SLC4A4: variants seen among roughly 807,000 people sequenced by gnomAD.
The protein encoded by SLC4A4 is solute carrier family 4 member 4.
In SLC4A4, 27 loss-of-function variants were observed where a neutral mutation model predicts 111.5. The observed-to-expected ratio is 0.24, with a 90% CI of 0.18 to 0.33. SLC4A4 has a LOEUF of 0.33. Ranked by LOEUF, SLC4A4 falls within the 10% of genes least tolerant of loss-of-function variation. The pLI, the probability that SLC4A4 is intolerant of heterozygous loss-of-function variation, is 1.00. For synonymous variants in SLC4A4, 443 were observed against 463.4 expected (o/e 0.96, Z 0.57); for missense variants, 909 against 1,315.5 (o/e 0.69, Z 4.78).
At chr4:71,126,660 AC>A (rs1423484159) in intron 2 of SLC4A4, among the ~76,000 whole-genome samples, 4 of 152,246 alleles carry the variant, frequency 2.6e-5, no homozygotes, top group African/African-American at 9.6e-5. Context: ...TTTATGGTTT[AC>A]TTTGAATATG....
At chr4:71,473,196 C>A in intron 14 of SLC4A4, 1 of 658,468 alleles carries the variant, frequency 1.5e-6, no homozygotes, top group Admixed American at 2.4e-5. Context: ...ACATAACCAA[C>A]TCAATATTTT....
intron 6 of SLC4A4, among the ~76,000 whole-genome samples, chr4:71,367,979 C>CTCATATTTG (rs1476911412): frequency 3.3e-4 from 50 of 152,276 alleles, no homozygotes; most frequent in Admixed American, 3.1e-3. Context: ...AATAGATTAT[C>CTCATATTTG]TCATATTTGC....
At chr4:71,399,724 T>C (rs1674172111) in intron 7 of SLC4A4, among the ~76,000 whole-genome samples, 1 of 152,042 alleles carries the variant, frequency 6.6e-6, no homozygotes, top group African/African-American at 2.4e-5. Context: ...TGAAATCTGA[T>C]GTTATCCGTC....
At position 71,072,828 on chromosome 4, in the gene SLC4A4, C is replaced by T. The variant is rs547610265; in HGVS notation, c.-65+10040C>T. ...TGTTGCCCAGGCTGGAGTGCAGTGGCGTGATTGCAGCTTGCTCTAACCTCT... is the reference window on the plus strand; with the variant it reads ...TGTTGCCCAGGCTGGAGTGCAGTGGTGTGATTGCAGCTTGCTCTAACCTCT... On this transcript the variant is annotated intron_variant, in intron 1 of 26. Transcript: ENST00000649996. Among the ~76,000 whole-genome samples, 12 of 151,992 alleles carry T rather than the reference C, an allele frequency of 7.9e-5. 1 individual carries two copies. In the South Asian group the frequency reaches 8.3e-4, roughly 11 times the overall value.
At chr4:71,344,816 T>C (rs1350706819) in intron 4 of SLC4A4, among the ~76,000 whole-genome samples, 1 of 152,034 alleles carries the variant, frequency 6.6e-6, no homozygotes, top group East Asian at 1.9e-4. Context: ...CAGTTTAGGA[T>C]ATTCTTGTAG....
In SLC4A4 at chr4:71,340,885, A is replaced by C. The variant is rs116508437; in HGVS notation, c.389+1380A>C. Among the ~76,000 whole-genome samples the C allele has an allele frequency of 9.2e-3, 1,394 of 152,290 alleles. 24 individuals are homozygous for C. Among genetic ancestry groups the C allele is most frequent in the African/African-American group, 0.032 (1,342 of 41,562 alleles). ...GTATATGTATGAAAATGCTTTGTAAATTGTTAAGCATTACACAAATACCTG... is the reference window on the plus strand; with the variant it reads ...GTATATGTATGAAAATGCTTTGTAACTTGTTAAGCATTACACAAATACCTG... On this transcript the variant is annotated intron_variant, in intron 4 of 25. Coordinates refer to ENST00000264485, the MANE Select transcript of SLC4A4 (RefSeq NM_001098484.3).
intron 3 of SLC4A4, among the ~76,000 whole-genome samples, chr4:71,320,707 T>C (rs1727054108): frequency 6.6e-6 from 1 of 152,024 alleles, no homozygotes; most frequent in African/African-American, 2.4e-5. Context: ...TAGCTTAAGC[T>C]GGTACTTGAT....
chr4:71,299,224 A>G (rs972709443), intron 3 of SLC4A4, among the ~76,000 whole-genome samples: 2 of 152,228 alleles, frequency 1.3e-5, no homozygotes, highest in African/African-American at 4.8e-5. Flanking sequence ...TGTTTAGGCC[A>G]TAGGAAATAG....
At chr4:71,153,628 C>T (rs906430210) in intron 2 of SLC4A4, among the ~76,000 whole-genome samples, 6 of 152,124 alleles carry the variant, frequency 3.9e-5, no homozygotes, top group Non-Finnish European at 8.8e-5. Context: ...GTAAAGCCTT[C>T]AGCACTTGGC....
At chr4:71,215,802 T>C (rs909379049) in intron 1 of SLC4A4, among the ~76,000 whole-genome samples, 1 of 152,152 alleles carries the variant, frequency 6.6e-6, no homozygotes, top group Non-Finnish European at 1.5e-5. Flanking sequence ...ACGATACATA[T>C]AATTATCATT....
intron 2 of SLC4A4, among the ~76,000 whole-genome samples, chr4:71,243,664 G>A (rs945951360): frequency 1.3e-5 from 2 of 152,188 alleles, no homozygotes; most frequent in Non-Finnish European, 2.9e-5. Context: ...AAAGGTGAAG[G>A]TAGTGAGGGT....
chr4:71,512,233 G>A (rs1731995093), intron 16 of SLC4A4, among the ~76,000 whole-genome samples: 1 of 152,086 alleles, frequency 6.6e-6, no homozygotes, highest in Admixed American at 6.6e-5. Context: ...GTCTACCACA[G>A]TCTACCAACC....
intron 1 of SLC4A4, among the ~76,000 whole-genome samples, chr4:71,073,892 T>G (rs1328712703): frequency 6.6e-6 from 1 of 152,096 alleles, no homozygotes; most frequent in Non-Finnish European, 1.5e-5. Context: ...AAGATCAGCC[T>G]GGGCAATATG....
chr4:71,130,097 A>G (rs1743662382), intron 2 of SLC4A4, among the ~76,000 whole-genome samples: 1 of 152,200 alleles, frequency 6.6e-6, no homozygotes, highest in Non-Finnish European at 1.5e-5. Context: ...CCATTTACCT[A>G]TATGACAAAC....
At chr4:71,536,485 T>A (rs4257633) in intron 18 of SLC4A4, among the ~76,000 whole-genome samples, 2,501 of 83,408 alleles carry the variant, frequency 0.03, 127 homozygotes, top group East Asian at 0.088. Flanking sequence ...TATATATATA[T>A]ATGTATATAT....
At chr4:71,169,875 T>C (rs1419489533) in intron 2 of SLC4A4, among the ~76,000 whole-genome samples, 1 of 152,168 alleles carries the variant, frequency 6.6e-6, no homozygotes, top group African/African-American at 2.4e-5. Context: ...TGGAATAAGA[T>C]CTTAATTCCT....
At chr4:71,478,252 C>T (rs774932892) in intron 14 of SLC4A4, among the ~76,000 whole-genome samples, 21 of 151,876 alleles carry the variant, frequency 1.4e-4, no homozygotes, top group Non-Finnish European at 2.8e-4. Context: ...CCAGCAATCC[C>T]GTGACTGGGT....
At position 71,569,707 on chromosome 4, in the gene SLC4A4, T is replaced by C. The variant is rs866386860; in HGVS notation, c.*1956T>C. 5 of 151,718 alleles carry C rather than the reference T, an allele frequency of 3.3e-5. No individual in the cohort carries two copies. The highest frequency in any genetic ancestry group is 6.6e-5 in the Admixed American group (1 of 15,182). The allele number at this position is 151,718 out of a possible 1,614,324, so 9.4% of individuals were successfully genotyped here. A position where few individuals can be genotyped will look rare whatever the true frequency, so the allele number is the denominator to read the frequency against. On this transcript the variant is annotated 3_prime_UTR_variant, in exon 26 of 26. Coordinates refer to ENST00000264485, the MANE Select transcript of SLC4A4 (RefSeq NM_001098484.3). Reference sequence around the variant, plus strand: ...TTTTTGGTTTGATAATATGCACTTATTGACTCCCACTCATTGTTATGTTAA... The same window carrying C: ...TTTTTGGTTTGATAATATGCACTTACTGACTCCCACTCATTGTTATGTTAA...
intron 7 of SLC4A4, among the ~76,000 whole-genome samples, chr4:71,428,424 A>G (rs1447820347): frequency 6.6e-6 from 1 of 152,084 alleles, no homozygotes; most frequent in African/African-American, 2.4e-5. Context: ...ACTATTAGTC[A>G]TTACGCCAGG....
Sources: allele counts gnomAD v4.1 joint callset (sites outside exome capture counted in the v4.1 genomes callset), GRCh38; gene constraint gnomAD v4.1.1; transcripts MANE v1.5; gene names NCBI Gene and HGNC (gene_info 2026-07-23, HGNC 2026-07-21).